The following PRDM6 variants were observed in gnomAD, a reference collection of about 807,000 sequenced individuals.
PRDM6 encodes the protein putative histone-lysine N-methyltransferase PRDM6.
A neutral mutation model predicts 60.8 loss-of-function variants in PRDM6; 25 were observed. The observed-to-expected ratio is 0.41, with a 90% confidence interval of 0.30 to 0.57. The LOEUF (loss-of-function observed/expected upper bound fraction) is 0.57. Among genes scored for constraint, PRDM6 ranks in the 20% least tolerant of loss-of-function variants. PRDM6 has a pLI of 0.27. For synonymous variants in PRDM6, 407 were observed against 357.4 expected (o/e 1.14, Z -1.57); for missense variants, 839 against 821.3 (o/e 1.02, Z -0.26).
chr5:123,184,360 C>A (rs1766233887), intron 7 of PRDM6, among the ~76,000 whole-genome samples: 1 of 152,028 alleles, frequency 6.6e-6, no homozygotes, highest in African/African-American at 2.4e-5. Flanking sequence ...AATAGAAACT[C>A]CTCACAATGA....
intron 3 of PRDM6, among the ~76,000 whole-genome samples, chr5:123,101,426 C>T (rs984132884): frequency 1.3e-5 from 2 of 152,166 alleles, no homozygotes; most frequent in Non-Finnish European, 2.9e-5. Flanking sequence ...GGTTTGGAAA[C>T]ATTTTGGTTT....
At chr5:123,151,112 G>A (rs1289936221) in intron 3 of PRDM6, among the ~76,000 whole-genome samples, 1 of 152,124 alleles carries the variant, frequency 6.6e-6, no homozygotes, top group African/African-American at 2.4e-5. Context: ...TGTATTAGAT[G>A]TATGGGCATA....
intron 6 of PRDM6, among the ~76,000 whole-genome samples, chr5:123,176,135 G>A (rs1766002409): frequency 6.6e-6 from 1 of 152,072 alleles, no homozygotes; most frequent in Admixed American, 6.5e-5. Context: ...AAGTAAAATA[G>A]TACTTCAGTT....
intron 3 of PRDM6, among the ~76,000 whole-genome samples, chr5:123,153,627 C>T (rs1765423887): frequency 6.6e-6 from 1 of 152,150 alleles, no homozygotes; most frequent in Non-Finnish European, 1.5e-5. Context: ...TTTTACTTTT[C>T]CTCAAGGCAA....
At chr5:123,166,638 T>C (rs980429215) in intron 5 of PRDM6, among the ~76,000 whole-genome samples, 2 of 152,248 alleles carry the variant, frequency 1.3e-5, no homozygotes, top group Non-Finnish European at 2.9e-5. Flanking sequence ...GCAGTGACTT[T>C]GGTTTTCCTG....
intron 3 of PRDM6, among the ~76,000 whole-genome samples, chr5:123,110,383 C>A (rs1046775643): frequency 6.6e-6 from 1 of 150,720 alleles, no homozygotes; most frequent in African/African-American, 2.4e-5. Flanking sequence ...CTCAGCCTCC[C>A]GAGTAGCTGG....
At chr5:123,119,937 A>C (rs1764543425) in intron 3 of PRDM6, among the ~76,000 whole-genome samples, 1 of 152,178 alleles carries the variant, frequency 6.6e-6, no homozygotes, top group African/African-American at 2.4e-5. Flanking sequence ...AAGGTTAAAA[A>C]ATTATATTTT....
intron 3 of PRDM6, among the ~76,000 whole-genome samples, chr5:123,142,877 CAAAAAAAAAAAA>C: frequency 3.7e-5 from 1 of 27,368 alleles, no homozygotes; most frequent in East Asian, 8.3e-4. Context: ...CAGTGAAGAC[CAAAAAAAAAAAA>C]AAAAAAAAAA....
intron 3 of PRDM6, among the ~76,000 whole-genome samples, chr5:123,153,989 C>G (rs1561859643): frequency 6.6e-6 from 1 of 152,126 alleles, no homozygotes; most frequent in Non-Finnish European, 1.5e-5. Flanking sequence ...ACATTTCTTA[C>G]TCCATCAAAG....
At chr5:123,101,472 G>A (rs972851274) in intron 3 of PRDM6, among the ~76,000 whole-genome samples, 2 of 152,190 alleles carry the variant, frequency 1.3e-5, no homozygotes, top group Non-Finnish European at 2.9e-5. Context: ...CTCCAATGTG[G>A]TTTAAAGTTT....
intron 3 of PRDM6, among the ~76,000 whole-genome samples, chr5:123,118,013 G>A (rs1436214650): frequency 3.9e-5 from 6 of 152,204 alleles, no homozygotes; most frequent in South Asian, 2.1e-4. Context: ...ACTAGATGGA[G>A]CTTACAGTCT....
At chr5:123,149,864 G>A (rs1429801145) in intron 3 of PRDM6, among the ~76,000 whole-genome samples, 3 of 151,754 alleles carry the variant, frequency 2.0e-5, no homozygotes, top group Non-Finnish European at 2.9e-5. Context: ...TGATTTCCTG[G>A]TGTGTACAAA....
chr5:123,106,726 A>G (rs1012529486), intron 3 of PRDM6, among the ~76,000 whole-genome samples: 1 of 152,224 alleles, frequency 6.6e-6, no homozygotes, highest in East Asian at 1.9e-4. Context: ...TGTTTTTATC[A>G]TTTTGTGTAA....
chr5:123,155,262 C>CTTTTTT (rs759225954), intron 3 of PRDM6, among the ~76,000 whole-genome samples: 38 of 92,682 alleles, frequency 4.1e-4, no homozygotes, highest in East Asian at 2.5e-3. Flanking sequence ...GAGGGTCTCT[C>CTTTTTT]TTTTTTTTTT....
intron 3 of PRDM6, among the ~76,000 whole-genome samples, chr5:123,128,347 G>C (rs971451024): frequency 2.6e-5 from 4 of 152,188 alleles, no homozygotes; most frequent in Non-Finnish European, 4.4e-5. Flanking sequence ...TCGCCTCACT[G>C]TCTTCCACAA....
chr5:123,143,824 A>G (rs1580514823), intron 3 of PRDM6, among the ~76,000 whole-genome samples: 1 of 152,232 alleles, frequency 6.6e-6, no homozygotes, highest in East Asian at 1.9e-4. Context: ...GTTTACCTTT[A>G]ACAACTTAAT....
chr5:123,164,142 A>T (rs1477013234), intron 5 of PRDM6, among the ~76,000 whole-genome samples: 1 of 151,348 alleles, frequency 6.6e-6, no homozygotes, highest in Non-Finnish European at 1.5e-5. Flanking sequence ...GTCCTGGAGG[A>T]GCTCAGTCTA....
At chr5:123,177,706 G>C (rs1272152170) in intron 6 of PRDM6, among the ~76,000 whole-genome samples, 1 of 152,120 alleles carries the variant, frequency 6.6e-6, no homozygotes, top group African/African-American at 2.4e-5. Flanking sequence ...CTGTATCTTG[G>C]GAGGCAGTGT....
chr5:123,128,687 A>G (rs1488045972), intron 3 of PRDM6, among the ~76,000 whole-genome samples: 1 of 152,208 alleles, frequency 6.6e-6, no homozygotes, highest in Non-Finnish European at 1.5e-5. Flanking sequence ...TCAGATAAGT[A>G]GATTGCAAAA....
Sources: allele counts gnomAD v4.1 joint callset (sites outside exome capture counted in the v4.1 genomes callset), GRCh38; gene constraint gnomAD v4.1.1; transcripts MANE v1.5; gene names NCBI Gene and HGNC (gene_info 2026-07-23, HGNC 2026-07-21).